The following SLC6A20 variants were observed in gnomAD, a reference collection of about 807,000 sequenced individuals.
SLC6A20 encodes sodium- and chloride-dependent transporter XTRP3.
A neutral mutation model predicts 64.3 loss-of-function variants in SLC6A20; 73 were observed. The observed-to-expected ratio is 1.14, with a 90% CI of 0.94 to 1.38. The LOEUF (loss-of-function observed/expected upper bound fraction) is 1.38, where lower values mean the gene tolerates loss of function less well. Ranked by LOEUF, SLC6A20 falls within the 40% of genes most tolerant of loss-of-function variation. The pLI is 0.00. For missense variants in SLC6A20, 725 were observed against 772.8 expected (o/e 0.94, Z 0.73); for synonymous variants, 347 against 329.6 (o/e 1.05, Z -0.57).
At chr3:45,769,124 T>A (rs190556648) in intron 7 of SLC6A20, among the ~76,000 whole-genome samples, 136 of 152,018 alleles carry the variant, frequency 8.9e-4, no homozygotes, top group African/African-American at 3.0e-3. Context: ...ATGATAGAAA[T>A]GAGGGGAAAA....
At chr3:45,766,985 T>C (rs115161773) in intron 7 of SLC6A20, among the ~76,000 whole-genome samples, 1 of 152,254 alleles carries the variant, frequency 6.6e-6, no homozygotes, top group Non-Finnish European at 1.5e-5. Context: ...TAAAAGTAAA[T>C]AAAAGAAAAT....
In SLC6A20 at chr3:45,763,056, G is replaced by T. The variant is rs1243009583; in HGVS notation, c.1320C>A (p.Val440=). Residue 440 remains valine (V), a synonymous_variant, in exon 9 of 11, where the codon GTC becomes GTA. Transcript: ENST00000358525. ...TGAACACCATGCCAATGGCACAGTTGACAAGGCACACCAGACCTGGGGGCC... is the reference window on the plus strand; with the variant it reads ...TGAACACCATGCCAATGGCACAGTTTACAAGGCACACCAGACCTGGGGGCC... ...KEAISGLVCL[V]NCAIGMVFTM... is the part of the protein sequence containing the mutation. 1 of 1,613,986 alleles carries T rather than the reference G, an allele frequency of 6.2e-7. No homozygotes were observed. The highest frequency in any genetic ancestry group is 8.5e-7 in the Non-Finnish European group (1 of 1,180,040).
chr3:45,765,837 G>T lies in SLC6A20; in HGVS notation c.1099-96C>A. ...AGCAACATGGGGGACCTTGGAAGTGGCCATGAGAAGCCACATTGTGAGGTT... is the reference window on the plus strand; with the variant it reads ...AGCAACATGGGGGACCTTGGAAGTGTCCATGAGAAGCCACATTGTGAGGTT... On this transcript the variant is annotated intron_variant, in intron 7 of 10. Coordinates refer to ENST00000358525, the MANE Select transcript of SLC6A20 (RefSeq NM_020208.4). The surrounding 1 kb of genome is among the most constrained non-coding windows in gnomAD (Gnocchi z 4.2). The T allele has an allele frequency of 1.6e-6, 2 of 1,269,794 alleles. No individual in the cohort carries two copies. The highest frequency in any genetic ancestry group is 2.4e-5 in the East Asian group (1 of 42,148). 78.7% of individuals were successfully genotyped at this position (1,269,794 alleles called of 1,614,324 possible).
intron 1 of SLC6A20, among the ~76,000 whole-genome samples, chr3:45,795,679 G>A (rs1371996153): frequency 6.6e-6 from 1 of 152,214 alleles, no homozygotes; most frequent in Non-Finnish European, 1.5e-5. Context: ...CGGTAAGAGC[G>A]CGTGGCTGGC....
chr3:45,788,319 A>G (rs753999912), intron 1 of SLC6A20, among the ~76,000 whole-genome samples: 5 of 152,134 alleles, frequency 3.3e-5, no homozygotes, highest in Non-Finnish European at 7.4e-5. Context: ...AGAAAAGGAT[A>G]AAGAGATGGA....
At chr3:45,779,772 A>G (rs944242785) in intron 3 of SLC6A20, among the ~76,000 whole-genome samples, 4 of 152,224 alleles carry the variant, frequency 2.6e-5, no homozygotes, top group Admixed American at 6.5e-5. Flanking sequence ...CTCCAAGAAC[A>G]CGCACACTCT....
Position 45,759,944 on chromosome 3 carries a change from T to G in SLC6A20, c.1542A>C (p.Pro514=), listed in dbSNP as rs1367253317. ...AGACAAAGAGGCTGACAATCAGCAG[T>G]GGGCTTACGCCAGCCCACATCACCT... The part of the protein sequence containing the change: ...YWKVMWAGVS[P]LLIVSLFVFY... Residue 514 remains proline (P), a synonymous_variant, in exon 10 of 11, where the codon CCA becomes CCC. Coordinates refer to ENST00000358525, the MANE Select transcript of SLC6A20 (RefSeq NM_020208.4). The G allele has an allele frequency of 6.2e-7, 1 of 1,614,044 alleles. No homozygotes were observed. The highest frequency in any genetic ancestry group is 8.5e-7 in the Non-Finnish European group (1 of 1,180,032).
chr3:45,769,350 AT>A (rs909217414), intron 7 of SLC6A20, among the ~76,000 whole-genome samples: 85 of 150,902 alleles, frequency 5.6e-4, no homozygotes, highest in Middle Eastern at 3.4e-3. Flanking sequence ...AATTCCCTAG[AT>A]TTTTTTTTTC....
chr3:45,760,094 C>T, intron 9 of SLC6A20, 72 bp from the exon 10 acceptor site: 1 of 1,498,830 alleles, frequency 6.7e-7, no homozygotes, highest in Non-Finnish European at 9.0e-7. Flanking sequence ...GCTTGCCTGT[C>T]CCTATTCACA....
chr3:45,794,520 T>G (rs1382722888), intron 1 of SLC6A20, among the ~76,000 whole-genome samples: 1 of 152,188 alleles, frequency 6.6e-6, no homozygotes, highest in East Asian at 1.9e-4. Flanking sequence ...CGAAGCATCC[T>G]CTGCACCAGG....
intron 1 of SLC6A20, among the ~76,000 whole-genome samples, chr3:45,794,000 C>T (rs1700300359): frequency 6.6e-6 from 1 of 152,208 alleles, no homozygotes. Context: ...TCCTGTGACT[C>T]CATCACATCA....
intron 1 of SLC6A20, among the ~76,000 whole-genome samples, chr3:45,793,774 C>G (rs138818612): frequency 2.5e-4 from 38 of 152,268 alleles, no homozygotes; most frequent in African/African-American, 8.9e-4. Context: ...AGTTATACAC[C>G]CCTCTGCAGC....
intron 8 of SLC6A20, among the ~76,000 whole-genome samples, chr3:45,764,687 G>A (rs1436848255): frequency 2.1e-5 from 3 of 144,326 alleles, no homozygotes; most frequent in Non-Finnish European, 4.5e-5. Context: ...GGGTGACAGA[G>A]TGAGACTGTT....
intron 7 of SLC6A20, among the ~76,000 whole-genome samples, chr3:45,769,626 A>G (rs1264765575): frequency 6.6e-6 from 1 of 151,984 alleles, no homozygotes; most frequent in East Asian, 1.9e-4. Flanking sequence ...ATGCTGAATG[A>G]GAGAAGTATC....
intron 10 of SLC6A20, 128 bp downstream of exon 10, chr3:45,759,729 T>C (rs1356916270): frequency 8.2e-7 from 1 of 1,213,218 alleles, no homozygotes; most frequent in African/African-American, 1.5e-5. Flanking sequence ...ACCTCAGTGA[T>C]ATTTCCATGT....
At chr3:45,786,531 T>C (rs1303437655) in intron 1 of SLC6A20, among the ~76,000 whole-genome samples, 1 of 152,258 alleles carries the variant, frequency 6.6e-6, no homozygotes, top group African/African-American at 2.4e-5. Flanking sequence ...AAGATGTCAA[T>C]GTGTTCCATT....
At chr3:45,768,230 T>C (rs1432643411) in intron 7 of SLC6A20, among the ~76,000 whole-genome samples, 2 of 152,038 alleles carry the variant, frequency 1.3e-5, no homozygotes, top group South Asian at 2.1e-4. Context: ...TTAGACTTTA[T>C]TAAGTTAAAT....
At chr3:45,784,676 A>T (rs949232178) in intron 1 of SLC6A20, among the ~76,000 whole-genome samples, 4 of 152,242 alleles carry the variant, frequency 2.6e-5, no homozygotes, top group Non-Finnish European at 5.9e-5. Context: ...ATGTAAAAAA[A>T]AAATGTGAAC....
Position 45,758,244 on chromosome 3 carries a change from G to C in SLC6A20, c.*734C>G. ...GATCCACTTTCATTCTCACCTCACA[G>C]TGGCTCCTGACTCCTTTTCCAATGC... On this transcript the variant is annotated 3_prime_UTR_variant, in exon 11 of 11. Coordinates refer to ENST00000358525, the MANE Select transcript of SLC6A20 (RefSeq NM_020208.4). The C allele has an allele frequency of 3.3e-6, 1 of 301,804 alleles. No homozygotes were observed. Among genetic ancestry groups the C allele is most frequent in the South Asian group, 2.8e-5 (1 of 35,738 alleles). 18.7% of individuals were successfully genotyped at this position (301,804 alleles called of 1,614,324 possible).
Sources: gnomAD v4.1 joint callset for allele counts (sites outside exome capture counted in the v4.1 genomes callset) on GRCh38, gnomAD v4.1.1 for gene constraint, Gnocchi (gnomAD v3.1) non-coding constraint, MANE v1.5 for transcripts, NCBI Gene and HGNC (gene_info 2026-07-23, HGNC 2026-07-21) for gene names.